The following LRRTM3 variants were observed in gnomAD, a reference collection of about 807,000 sequenced individuals.
LRRTM3 encodes leucine-rich repeat transmembrane neuronal protein 3.
A neutral mutation model predicts 44.7 loss-of-function variants in LRRTM3; 24 were observed. The observed-to-expected ratio is 0.54, with a 90% CI of 0.39 to 0.76. The LOEUF is 0.76. LRRTM3 is among the 30% of genes least tolerant of loss of function. LRRTM3 has a pLI of 0.00. For missense variants in LRRTM3, 587 were observed against 702.2 expected (o/e 0.84, Z 1.85); for synonymous variants, 277 against 278.7 (o/e 0.99, Z 0.06).
At chr10:67,080,936 CAAAA>C (rs58476986) in intron 2 of LRRTM3, among the ~76,000 whole-genome samples, 1 of 31,430 alleles carries the variant, frequency 3.2e-5, no homozygotes, top group African/African-American at 2.2e-4. Context: ...AAAAAAACAA[CAAAA>C]AAAAAAAAAC....
At position 67,018,010 on chromosome 10, in the gene LRRTM3, G is replaced by A. The variant is rs1210265077; in HGVS notation, c.1537-79577G>A. Among the ~76,000 whole-genome samples, 10 of 152,088 alleles carry A rather than the reference G, an allele frequency of 6.6e-5. No individual in the cohort carries two copies. The East Asian group carries it at 1.5e-3, about 23-fold the overall frequency. ...TGGTCTCAAACTCCTGACCTCAAGT[G>A]ATCTGCCCACCTTGGCCTCCCAATG... On this transcript the variant is annotated intron_variant, in intron 2 of 2. Transcript: ENST00000361320.
At chr10:66,965,207 G>T (rs1849331748) in intron 2 of LRRTM3, among the ~76,000 whole-genome samples, 1 of 151,966 alleles carries the variant, frequency 6.6e-6, no homozygotes, top group African/African-American at 2.4e-5. Flanking sequence ...TCCAGGTTGT[G>T]TTTAAAAAGC....
intron 2 of LRRTM3, among the ~76,000 whole-genome samples, chr10:67,058,261 A>C (rs1855557084): frequency 6.6e-6 from 1 of 152,230 alleles, no homozygotes; most frequent in Admixed American, 6.5e-5. Context: ...GGGATTATGC[A>C]GATACCATAT....
intron 2 of LRRTM3, among the ~76,000 whole-genome samples, chr10:67,037,980 T>A (rs1045205724): frequency 1.3e-5 from 2 of 152,064 alleles, no homozygotes; most frequent in Non-Finnish European, 2.9e-5. Flanking sequence ...GGGATTAACA[T>A]GAATAAACAG....
chr10:67,045,058 T>A (rs1001014521), intron 2 of LRRTM3, among the ~76,000 whole-genome samples: 2 of 152,180 alleles, frequency 1.3e-5, no homozygotes, highest in Non-Finnish European at 2.9e-5. Flanking sequence ...AACAAGTTTA[T>A]AGATGCCAAA....
intron 2 of LRRTM3, among the ~76,000 whole-genome samples, chr10:67,070,665 T>C (rs1237965820): frequency 2.6e-5 from 4 of 151,884 alleles, no homozygotes; most frequent in African/African-American, 9.7e-5. Flanking sequence ...GGGAATCGCT[T>C]GAACCCGGGA....
intron 2 of LRRTM3, among the ~76,000 whole-genome samples, chr10:67,057,145 A>G (rs1855483758): frequency 6.6e-6 from 1 of 152,158 alleles, no homozygotes; most frequent in Admixed American, 6.6e-5. Context: ...TTTCACTTTT[A>G]TTGAGATATA....
chr10:66,985,330 T>C (rs1850669174), intron 2 of LRRTM3, among the ~76,000 whole-genome samples: 1 of 151,190 alleles, frequency 6.6e-6, no homozygotes, highest in Non-Finnish European at 1.5e-5. Flanking sequence ...CAGGGAGGAG[T>C]GGTTACCAAG....
At chr10:67,046,040 G>A (rs1281138793) in intron 2 of LRRTM3, among the ~76,000 whole-genome samples, 1 of 152,058 alleles carries the variant, frequency 6.6e-6, no homozygotes, top group Non-Finnish European at 1.5e-5. Context: ...AAGTGAAAAA[G>A]AAATACAACA....
intron 2 of LRRTM3, among the ~76,000 whole-genome samples, chr10:66,996,207 T>C (rs1202558781): frequency 6.6e-6 from 1 of 152,206 alleles, no homozygotes; most frequent in Admixed American, 6.5e-5. Context: ...AGACTGATAT[T>C]ATATAATTAG....
In LRRTM3 at chr10:66,926,761, A is replaced by C. The variant is rs140458180; in HGVS notation, c.5-160A>C. Among the ~76,000 whole-genome samples, 902 of 152,346 alleles carry C rather than the reference A, an allele frequency of 5.9e-3. 6 individuals are homozygous for C. Among genetic ancestry groups the C allele is most frequent in the African/African-American group, 0.02 (845 of 41,574 alleles). On this transcript the variant is annotated intron_variant, in intron 1 of 2. Transcript: ENST00000361320. ...GTTTAACTATTTAAAAAAACAAAAC[A>C]CTAAAGACAATTCTCTTTAATTACA...
intron 2 of LRRTM3, among the ~76,000 whole-genome samples, chr10:67,059,884 T>A (rs931597240): frequency 1.3e-5 from 2 of 152,190 alleles, no homozygotes; most frequent in Non-Finnish European, 2.9e-5. Context: ...AATGAAGATA[T>A]GTAAATATTT....
intron 2 of LRRTM3, among the ~76,000 whole-genome samples, chr10:66,987,381 G>A (rs1490759356): frequency 6.6e-6 from 1 of 152,144 alleles, no homozygotes; most frequent in Non-Finnish European, 1.5e-5. Flanking sequence ...ATATTTGAAG[G>A]TAGAGGTGAA....
intron 2 of LRRTM3, among the ~76,000 whole-genome samples, chr10:67,065,043 G>A (rs1200963257): frequency 6.6e-6 from 1 of 152,126 alleles, no homozygotes; most frequent in African/African-American, 2.4e-5. Context: ...TACATAGCAA[G>A]TCCCATAAAG....
At chr10:66,945,544 A>G (rs548768287) in intron 2 of LRRTM3, among the ~76,000 whole-genome samples, 9 of 152,294 alleles carry the variant, frequency 5.9e-5, no homozygotes, top group African/African-American at 1.7e-4. Context: ...CATATCAGCA[A>G]TAAGTCTGTT....
At chr10:66,984,015 A>G (rs1465598328) in intron 2 of LRRTM3, among the ~76,000 whole-genome samples, 1 of 152,136 alleles carries the variant, frequency 6.6e-6, no homozygotes, top group Non-Finnish European at 1.5e-5. Context: ...GGTAGGCTAA[A>G]TATCTCCTGA....
intron 2 of LRRTM3, among the ~76,000 whole-genome samples, chr10:66,937,610 T>G (rs1847780281): frequency 6.6e-6 from 1 of 152,148 alleles, no homozygotes; most frequent in Non-Finnish European, 1.5e-5. Flanking sequence ...TAGTTAATAC[T>G]GAAGAGTGAT....
At chr10:66,942,846 T>C (rs1231080588) in intron 2 of LRRTM3, among the ~76,000 whole-genome samples, 18 of 152,168 alleles carry the variant, frequency 1.2e-4, no homozygotes, top group Non-Finnish European at 1.8e-4. Context: ...AATATTTATG[T>C]TTTTAAAAAT....
chr10:67,026,546 G>A (rs908927748), intron 2 of LRRTM3, among the ~76,000 whole-genome samples: 6 of 152,084 alleles, frequency 3.9e-5, no homozygotes, highest in Non-Finnish European at 8.8e-5. Context: ...AGACATTCAA[G>A]AGGAACATGC....
Sources: gnomAD v4.1 joint callset for allele counts (sites outside exome capture counted in the v4.1 genomes callset) on GRCh38, gnomAD v4.1.1 for gene constraint, MANE v1.5 for transcripts, NCBI Gene and HGNC (gene_info 2026-07-23, HGNC 2026-07-21) for gene names.